The following SYCP1 variants were observed in gnomAD, a reference collection of about 807,000 sequenced individuals.
SYCP1 encodes cancer/testis antigen 8.
SYCP1 carries 64 observed loss-of-function variants against 153.1 expected under a neutral mutation model. The observed-to-expected ratio is 0.42, with a 90% CI of 0.34 to 0.51. The LOEUF (loss-of-function observed/expected upper bound fraction) is 0.51. Among genes scored for constraint, SYCP1 ranks in the 20% least tolerant of loss-of-function variants. SYCP1 has a pLI of 0.06. For synonymous variants in SYCP1, 384 were observed against 341.8 expected, an observed-to-expected ratio of 1.12 and a Z score of -1.36; for missense variants, 997 against 1,049.0, an observed-to-expected ratio of 0.95 and a Z score of 0.68.
chr1:114,917,592 C>G (rs1242034846), intron 20 of SYCP1, among the ~76,000 whole-genome samples: 2 of 152,136 alleles, frequency 1.3e-5, no homozygotes, highest in Admixed American at 1.3e-4. Context: ...ATTTACATTC[C>G]CACCAGCAGT....
intron 3 of SYCP1, 58 bp downstream of exon 3, chr1:114,856,715 C>A: frequency 1.6e-6 from 2 of 1,225,646 alleles, no homozygotes; most frequent in East Asian, 2.4e-5. Context: ...TTACATACAT[C>A]GATAGTTATT....
intron 20 of SYCP1, among the ~76,000 whole-genome samples, chr1:114,916,813 G>A (rs1412289173): frequency 6.6e-6 from 1 of 151,346 alleles, no homozygotes; most frequent in African/African-American, 2.4e-5. Context: ...ATTGTCTTTT[G>A]TGATTTTACC....
intron 12 of SYCP1, among the ~76,000 whole-genome samples, chr1:114,882,612 T>A (rs529868598): frequency 1.3e-5 from 2 of 152,146 alleles, no homozygotes; most frequent in African/African-American, 4.8e-5. Context: ...TTTATGATAG[T>A]TTTTAGTCAA....
At position 114,926,924 on chromosome 1, in the gene SYCP1, T is replaced by G. The variant is rs189652415; in HGVS notation, c.1926+361T>G. Among the ~76,000 whole-genome samples the G allele has an allele frequency of 3.0e-4, 46 of 152,240 alleles. No homozygotes were observed. In the East Asian group the frequency reaches 8.7e-3, roughly 29 times the overall value. On this transcript the variant is annotated intron_variant, in intron 23 of 31. Coordinates refer to ENST00000369522, the MANE Select transcript of SYCP1 (RefSeq NM_003176.4). The stretch of plus-strand genomic sequence containing the variant: ...ACATTTTAAAAAGCTCTATGTGTGA[T>G]TATCCTGCTGCAGAAAGGGATTGAA...
chr1:114,903,863 T>C (rs1309614113), intron 16 of SYCP1, among the ~76,000 whole-genome samples: 2 of 152,164 alleles, frequency 1.3e-5, no homozygotes, highest in Admixed American at 1.3e-4. Context: ...TCCATTGAAT[T>C]GCTTTTGCAC....
chr1:114,856,093 A>G (rs1356881907), intron 2 of SYCP1, among the ~76,000 whole-genome samples: 1 of 152,224 alleles, frequency 6.6e-6, no homozygotes, highest in Non-Finnish European at 1.5e-5. Context: ...AGCTTTAAAA[A>G]TTAATTAAAA....
chr1:114,947,233 T>G lies in SYCP1; in HGVS notation c.2248-13T>G. 6.3e-7 allele frequency: 1 copy of G among 1,598,078 alleles called. No individual in the cohort carries two copies. Among genetic ancestry groups the G allele is most frequent in the Non-Finnish European group, 8.5e-7 (1 of 1,169,824 alleles). Reference sequence around the variant, plus strand: ...TGGAAGCTCTTCTAAACTTCATGTTTCTTTTTCTTTAGGAGATTGAACTAT... The same window carrying G: ...TGGAAGCTCTTCTAAACTTCATGTTGCTTTTTCTTTAGGAGATTGAACTAT... On this transcript the variant is annotated splice_polypyrimidine_tract_variant and intron_variant, in intron 26 of 31. Transcript: ENST00000369522.
In SYCP1 at chr1:114,866,414, T is replaced by C. The variant is rs192825681; in HGVS notation, c.598+5605T>C. On this transcript the variant is annotated intron_variant, in intron 8 of 31. Coordinates refer to ENST00000369522, the MANE Select transcript of SYCP1 (RefSeq NM_003176.4). ...ATTGATATCTCTTTGTTGTTCTAAA[T>C]TGCATTTCTCTGATGACATATGATG... is the stretch of plus-strand genomic sequence containing the variant. 1.8e-3 allele frequency among the ~76,000 whole-genome samples: 274 copies of C among 152,306 alleles called. 1 individual carries two copies. In the Middle Eastern group the frequency reaches 0.02, roughly 11 times the overall value.
intron 30 of SYCP1, among the ~76,000 whole-genome samples, chr1:114,987,005 A>AT (rs1673560216): frequency 6.6e-6 from 1 of 151,814 alleles, no homozygotes; most frequent in Admixed American, 6.6e-5. Context: ...TGTCCTTCAA[A>AT]CATCAGAGTT....
At chr1:114,965,682 A>G (rs1672072631) in intron 27 of SYCP1, among the ~76,000 whole-genome samples, 1 of 152,274 alleles carries the variant, frequency 6.6e-6, no homozygotes, top group Admixed American at 6.5e-5. Flanking sequence ...ATGTTGAACC[A>G]GCGTTGCATC....
Position 114,855,523 on chromosome 1 carries a change from T to G in SYCP1, c.59T>G (p.Val20Gly). 6.2e-7 allele frequency: 1 copy of G among 1,611,710 alleles called. No individual in the cohort carries two copies. The highest frequency in any genetic ancestry group is 8.5e-7 in the Non-Finnish European group (1 of 1,178,916). Residue 20 changes from valine (V) to glycine (G), a missense_variant, in exon 2 of 32, where the codon GTG becomes GGG. Physicochemically the swap from Val to Gly is moderately radical, Grantham distance 109. Coordinates refer to ENST00000369522, the MANE Select transcript of SYCP1 (RefSeq NM_003176.4). ...FVPPRSSSSQVSAVKPQTLGG... is the reference protein window; with the variant it reads ...FVPPRSSSSQGSAVKPQTLGG... Reference sequence around the variant, plus strand: ...CCACCGAGATCAAGCAGCAGTCAGGTGTCTGCGGTGAAACCTCAGACCCTG... The same window carrying G: ...CCACCGAGATCAAGCAGCAGTCAGGGGTCTGCGGTGAAACCTCAGACCCTG...
intron 15 of SYCP1, among the ~76,000 whole-genome samples, chr1:114,891,684 A>G (rs915710699): frequency 1.3e-5 from 2 of 152,054 alleles, no homozygotes; most frequent in East Asian, 1.9e-4. Context: ...CCATATCTGG[A>G]TCTATCTTTG....
intron 16 of SYCP1, among the ~76,000 whole-genome samples, chr1:114,905,867 T>C (rs1448896376): frequency 6.6e-6 from 1 of 152,180 alleles, no homozygotes; most frequent in Non-Finnish European, 1.5e-5. Context: ...GTGCATAGAA[T>C]TTTTTGTAGC....
In SYCP1 at chr1:114,881,501, ATCCTTCCTTCCT is replaced by A. The variant is rs71093615; in HGVS notation, c.910+3329_910+3340del. On this transcript the variant is annotated intron_variant, in intron 12 of 31. Coordinates refer to ENST00000369522, the MANE Select transcript of SYCP1 (RefSeq NM_003176.4). ...TTTCTTTTAGCACATGGAAGGTATT[ATCCTTCCTTCCT>A]TCCTTCCTTCCTTCCTTCCTTCCTT... 2.6e-4 allele frequency among the ~76,000 whole-genome samples: 27 copies of A among 102,746 alleles called. No individual in the cohort carries two copies. The Middle Eastern group carries it at 0.021, about 79-fold the overall frequency. The allele number at this position is 102,746 out of a possible 152,430, so 67.4% of individuals were successfully genotyped here.
intron 27 of SYCP1, among the ~76,000 whole-genome samples, chr1:114,954,577 T>A (rs1288961454): frequency 6.6e-6 from 1 of 150,936 alleles, no homozygotes; most frequent in Admixed American, 6.6e-5. Context: ...ATTTATTTAT[T>A]TATTTTTTAT....
chr1:114,984,615 G>A (rs1673376879), intron 29 of SYCP1, 110 bp from the exon 30 acceptor site: 1 of 882,486 alleles, frequency 1.1e-6, no homozygotes, highest in Non-Finnish European at 1.5e-6. Context: ...AATAATGGAG[G>A]TTTCTGATTG....
intron 21 of SYCP1, among the ~76,000 whole-genome samples, chr1:114,925,145 T>C (rs565769228): frequency 1.3e-5 from 2 of 152,102 alleles, no homozygotes; most frequent in Non-Finnish European, 2.9e-5. Flanking sequence ...TTTTCCTCCC[T>C]GAAAAGCTAT....
chr1:114,919,733 T>G (rs961318565), intron 20 of SYCP1, among the ~76,000 whole-genome samples: 3 of 152,078 alleles, frequency 2.0e-5, no homozygotes, highest in Non-Finnish European at 4.4e-5. Flanking sequence ...TTTGGAGGGT[T>G]GTATGTGTCT....
At chr1:114,934,596 T>C (rs922480201) in intron 23 of SYCP1, among the ~76,000 whole-genome samples, 7 of 152,140 alleles carry the variant, frequency 4.6e-5, no homozygotes, top group Admixed American at 6.5e-5. Context: ...AATACTCCAA[T>C]TAAAAGATAC....
Sources: gnomAD v4.1 joint callset for allele counts (sites outside exome capture counted in the v4.1 genomes callset) on GRCh38, gnomAD v4.1.1 for gene constraint, MANE v1.5 for transcripts, NCBI Gene and HGNC (gene_info 2026-07-23, HGNC 2026-07-21) for gene names.